The following CCDC171 variants were observed in gnomAD, a reference collection of about 807,000 sequenced individuals.
CCDC171 encodes the protein coiled-coil domain containing 171.
CCDC171 carries 177 observed loss-of-function variants against 168.2 expected under a neutral mutation model. The observed-to-expected ratio is 1.05, with a 90% confidence interval of 0.93 to 1.19. The LOEUF (loss-of-function observed/expected upper bound fraction) is 1.19, where lower values mean the gene tolerates loss of function less well. Among genes scored for constraint, CCDC171 ranks in the 50% most tolerant of loss-of-function variants. The probability of loss-of-function intolerance (pLI) is 0.00; values close to 1 mark genes in which losing one functional copy is unlikely to be tolerated. For synonymous variants in CCDC171, 687 were observed against 540.8 expected (o/e 1.27, Z -3.75); for missense variants, 1,991 against 1,539.0 (o/e 1.29, Z -4.91).
At chr9:16,079,553 G>A in the CCDC171 span, among the ~76,000 whole-genome samples, 1 of 152,180 alleles carries the variant, frequency 6.6e-6, no homozygotes, top group African/African-American at 2.4e-5. Flanking sequence ...AGAAGCAAAC[G>A]AACAAAGAAC....
rs143529637 is a variant in CCDC171, at chr9:15,956,316, A to G, written c.3754-15293A>G. Among the ~76,000 whole-genome samples, 75 of 152,252 alleles carry G rather than the reference A, an allele frequency of 4.9e-4. No homozygotes were observed. The Middle Eastern group carries it at 0.01, about 21-fold the overall frequency. ...TTAGTTCATGATGATGGAGGCTAGGATTCCCCATCTTGTGATTAGTTTTTC... is the reference window on the plus strand; with the variant it reads ...TTAGTTCATGATGATGGAGGCTAGGGTTCCCCATCTTGTGATTAGTTTTTC... On this transcript the variant is annotated intron_variant, in intron 25 of 25. Coordinates refer to ENST00000380701, the MANE Select transcript of CCDC171 (RefSeq NM_173550.4).
At chr9:15,780,353 A>G (rs569050327) in intron 20 of CCDC171, among the ~76,000 whole-genome samples, 103 of 152,186 alleles carry the variant, frequency 6.8e-4, no homozygotes, top group Admixed American at 6.7e-3. Flanking sequence ...AAAGTTATAC[A>G]TGACAACCTT....
intron 18 of CCDC171, among the ~76,000 whole-genome samples, chr9:15,753,081 C>T (rs1336105025): frequency 3.3e-5 from 5 of 152,150 alleles, no homozygotes; most frequent in South Asian, 2.1e-4. Context: ...GACGCTAATA[C>T]GCACAGTTGT....
At chr9:15,649,135 C>T (rs2047294063) in intron 7 of CCDC171, among the ~76,000 whole-genome samples, 1 of 152,122 alleles carries the variant, frequency 6.6e-6, no homozygotes, top group Non-Finnish European at 1.5e-5. Flanking sequence ...CTGACAAAAA[C>T]AGGAAATGGG....
intron 24 of CCDC171, among the ~76,000 whole-genome samples, chr9:15,888,335 A>G (rs4740628): frequency 0.36 from 54,063 of 151,986 alleles, 11,974 homozygotes; most frequent in East Asian, 0.62. Context: ...TGTGCCTTCA[A>G]AAAAATAAAA....
intron 10 of CCDC171, among the ~76,000 whole-genome samples, chr9:15,682,462 A>AT (rs919875760): frequency 6.6e-6 from 1 of 151,946 alleles, no homozygotes; most frequent in Non-Finnish European, 1.5e-5. Flanking sequence ...TACTTTATTT[A>AT]TTTTTAATTG....
chr9:15,812,225 C>A lies in CCDC171; in HGVS notation c.3267+27531C>A, dbSNP rs563069862. 3.3e-5 allele frequency among the ~76,000 whole-genome samples: 5 copies of A among 152,322 alleles called. No homozygotes were observed. In the South Asian group the frequency reaches 1.0e-3, roughly 32 times the overall value. ...GCAAAGAAACTAAGGGCATAGCTTT[C>A]TTATTCAAACCTGTTATCTTAGATG... On this transcript the variant is annotated intron_variant, in intron 21 of 25. Coordinates refer to ENST00000380701, the MANE Select transcript of CCDC171 (RefSeq NM_173550.4).
At chr9:16,091,158 G>T in the CCDC171 span, among the ~76,000 whole-genome samples, 1 of 152,134 alleles carries the variant, frequency 6.6e-6, no homozygotes, top group Admixed American at 6.5e-5. Flanking sequence ...TAGTCTGCTA[G>T]GCCTCAGAAT....
At chr9:16,066,614 C>T (rs1416673307), downstream of CCDC171, among the ~76,000 whole-genome samples, 1 of 117,920 alleles carries the variant, frequency 8.5e-6, no homozygotes, top group African/African-American at 3.1e-5. Context: ...CTCCCCCCTC[C>T]CCCCACCCCA....
Position 15,784,687 on chromosome 9 carries a change from C to G in CCDC171, c.3260C>G (p.Ala1087Gly). Residue 1087 changes from alanine (A) to glycine (G), a missense_variant, in exon 21 of 26, where the codon GCT becomes GGT. Transcript: ENST00000380701. ...GACAAAAACCAAACTCTTGGAGAAGCTGTTAAGGTAAGAGAATAAAGGGAT... is the reference window on the plus strand; with the variant it reads ...GACAAAAACCAAACTCTTGGAGAAGGTGTTAAGGTAAGAGAATAAAGGGAT... Reference protein sequence around the residue: ...EADKNQTLGEAVKSLSEAKME... With the variant: ...EADKNQTLGEGVKSLSEAKME... 3 of 1,610,058 alleles carry G rather than the reference C, an allele frequency of 1.9e-6. No homozygotes were observed. Among genetic ancestry groups the G allele is most frequent in the South Asian group, 1.1e-5 (1 of 90,746 alleles).
At chr9:16,039,177 G>C (rs1833530377), upstream of CCDC171, among the ~76,000 whole-genome samples, 1 of 152,132 alleles carries the variant, frequency 6.6e-6, no homozygotes, top group African/African-American at 2.4e-5. Flanking sequence ...ATGAGGTTCA[G>C]GGTCCTTCTT....
chr9:15,972,196 G>C lies in CCDC171; in HGVS notation c.*360G>C. 1 of 206,346 alleles carries C rather than the reference G, an allele frequency of 4.8e-6. No individual in the cohort carries two copies. Among genetic ancestry groups the C allele is most frequent in the Non-Finnish European group, 9.7e-6 (1 of 103,558 alleles). 12.8% of individuals were successfully genotyped at this position (206,346 alleles called of 1,614,324 possible). A position where few individuals can be genotyped will look rare whatever the true frequency, so the allele number is the denominator to read the frequency against. On this transcript the variant is annotated 3_prime_UTR_variant, in exon 26 of 26. Transcript: ENST00000380701. ...GTCTATTTTAAAGCAGGACTGCAAT[G>C]CTTTAATAGGATTGAGAGAGCTATT...
chr9:15,749,401 TAGAC>T (rs199773838), intron 18 of CCDC171, among the ~76,000 whole-genome samples: 2,674 of 152,232 alleles, frequency 0.018, 91 homozygotes, highest in African/African-American at 0.061. Flanking sequence ...CTGTCAACAT[TAGAC>T]AGATCAACGA....
At chr9:16,057,753 T>G (rs905158491) in intron 1 of CCDC171, among the ~76,000 whole-genome samples, 3 of 152,154 alleles carry the variant, frequency 2.0e-5, no homozygotes, top group Admixed American at 6.5e-5. Context: ...TCCAGCAGTT[T>G]AGGTTTAGAG....
intron 16 of CCDC171, among the ~76,000 whole-genome samples, chr9:15,730,687 G>A (rs114455514): frequency 6.6e-6 from 1 of 151,302 alleles, no homozygotes; most frequent in Admixed American, 6.6e-5. Flanking sequence ...TATTAAATCA[G>A]GTCATTCTGT....
chr9:15,628,461 C>T (rs1434685135), intron 7 of CCDC171, among the ~76,000 whole-genome samples: 4 of 152,200 alleles, frequency 2.6e-5, no homozygotes, highest in Non-Finnish European at 5.9e-5. Context: ...TGCAAGGCGG[C>T]AGCGAGGCTA....
chr9:16,042,120 T>G (rs955565616), upstream of CCDC171, among the ~76,000 whole-genome samples: 1 of 152,210 alleles, frequency 6.6e-6, no homozygotes, highest in African/African-American at 2.4e-5. Context: ...TAGTTCGTCG[T>G]GGAGCAAGAC....
At chr9:15,737,902 C>T (rs1364501426) in intron 16 of CCDC171, among the ~76,000 whole-genome samples, 1 of 152,132 alleles carries the variant, frequency 6.6e-6, no homozygotes, top group Non-Finnish European at 1.5e-5. Context: ...TTTACAATCC[C>T]ATTAGCAATG....
the CCDC171 span, among the ~76,000 whole-genome samples, chr9:16,089,961 C>T: frequency 1.3e-5 from 2 of 152,146 alleles, no homozygotes; most frequent in African/African-American, 4.8e-5. Flanking sequence ...AAAGCTTTGA[C>T]ACTGTTGATG....
Sources: gnomAD v4.1 joint callset for allele counts (sites outside exome capture counted in the v4.1 genomes callset) on GRCh38, gnomAD v4.1.1 for gene constraint, MANE v1.5 for transcripts, NCBI Gene and HGNC (gene_info 2026-07-23, HGNC 2026-07-21) for gene names.